ARHGEF39: variants seen among roughly 807,000 people sequenced by gnomAD.
The protein encoded by ARHGEF39 is Rho guanine nucleotide exchange factor (GEF) 39.
ARHGEF39 carries 45 observed loss-of-function variants against 47.5 expected under a neutral mutation model. That is an observed-to-expected ratio of 0.95 (90% CI 0.75 to 1.22). The LOEUF is 1.22. ARHGEF39 is among the 50% of genes most tolerant of loss of function. The pLI, the probability that ARHGEF39 is intolerant of heterozygous loss-of-function variation, is 0.00. For missense variants in ARHGEF39, 411 were observed against 425.3 expected, an observed-to-expected ratio of 0.97 and a Z score of 0.30; for synonymous variants, 164 against 167.8, an observed-to-expected ratio of 0.98 and a Z score of 0.17.
intron 4 of ARHGEF39, 21 bp downstream of exon 4, chr9:35,663,987 T>C (rs1587935685): frequency 6.2e-7 from 1 of 1,605,012 alleles, no homozygotes; most frequent in South Asian, 1.1e-5. Context: ...GAGAGGCGGC[T>C]GGAATCAAGA....
chr9:35,662,822 G>C, intron 6 of ARHGEF39, 81 bp from the exon 7 acceptor site: 1 of 1,525,424 alleles, frequency 6.6e-7, no homozygotes, highest in Non-Finnish European at 8.9e-7. Context: ...AGAAAATAGG[G>C]GTTATGTGCT....
At position 35,660,609 on chromosome 9, in the gene ARHGEF39, G is replaced by A. The variant is rs751573425; in HGVS notation, c.*1378C>T. ...AGCTGGCCCAGACAGAGCAGCACCT[G>A]AACAACCTGATGGCCCAGCTGGACC... On this transcript the variant is annotated 3_prime_UTR_variant, in exon 9 of 9. Coordinates refer to ENST00000378387, the MANE Select transcript of ARHGEF39 (RefSeq NM_032818.3). 5.0e-6 allele frequency: 8 copies of A among 1,614,072 alleles called. No individual in the cohort carries two copies. Among genetic ancestry groups the A allele is most frequent in the South Asian group, 1.1e-5 (1 of 91,078 alleles).
At position 35,665,153 on chromosome 9, in the gene ARHGEF39, G is replaced by T. The variant is rs1331056862; in HGVS notation, c.17C>A (p.Pro6His). 6.5e-7 allele frequency: 1 copy of T among 1,528,524 alleles called. No homozygotes were observed. Among genetic ancestry groups the T allele is most frequent in the Non-Finnish European group, 8.8e-7 (1 of 1,134,432 alleles). 94.7% of individuals were successfully genotyped at this position (1,528,524 alleles called of 1,614,324 possible). Reference protein sequence around the residue: MELSCPGSRCPVQEQR... With the variant: MELSCHGSRCPVQEQR... ...CTCTTGCACCGGGCACCGCGAACCG[G>T]GGCAGGAGAGCTCCATGCCCTGGCT... The change falls in exon 1 of 9, where the codon CCC becomes CAC. Residue 6 changes from proline to histidine, a missense_variant. Coordinates refer to ENST00000378387, the MANE Select transcript of ARHGEF39 (RefSeq NM_032818.3).
intron 3 of ARHGEF39, 112 bp downstream of exon 3, chr9:35,664,260 C>G: frequency 1.3e-6 from 2 of 1,523,406 alleles, no homozygotes; most frequent in Non-Finnish European, 1.8e-6. Flanking sequence ...AAGGAACTTA[C>G]CACAGAGCTG....
chr9:35,661,074 C>A lies in ARHGEF39; in HGVS notation c.*913G>T. ...CCTAGCTACTTCCTGGGAGGTGGGGCGGGGACTACGGAGAAGGTGCAGCCA... is the reference window on the plus strand; with the variant it reads ...CCTAGCTACTTCCTGGGAGGTGGGGAGGGGACTACGGAGAAGGTGCAGCCA... On this transcript the variant is annotated 3_prime_UTR_variant, in exon 9 of 9. Coordinates refer to ENST00000378387, the MANE Select transcript of ARHGEF39 (RefSeq NM_032818.3). 2 of 1,614,102 alleles carry A rather than the reference C, an allele frequency of 1.2e-6. No individual in the cohort carries two copies. Among genetic ancestry groups the A allele is most frequent in the Non-Finnish European group, 8.5e-7 (1 of 1,180,026 alleles).
At chr9:35,662,432 G>C in intron 7 of ARHGEF39, 80 bp downstream of exon 7, 1 of 1,479,490 alleles carries the variant, frequency 6.8e-7, no homozygotes. Flanking sequence ...CCTATGAAAA[G>C]GGACCCAGAC....
Position 35,661,179 on chromosome 9 carries a change from T to C in ARHGEF39, c.*808A>G. On this transcript the variant is annotated 3_prime_UTR_variant, in exon 9 of 9. Transcript: ENST00000378387. ...TGAAGGTCGACTAAAACAAAGTCTGTTTTCATGATGGAGTGCTCCTGTGTG... is the reference window on the plus strand; with the variant it reads ...TGAAGGTCGACTAAAACAAAGTCTGCTTTCATGATGGAGTGCTCCTGTGTG... The C allele has an allele frequency of 1.9e-6, 3 of 1,595,328 alleles. No individual in the cohort carries two copies. Among genetic ancestry groups the C allele is most frequent in the Non-Finnish European group, 1.7e-6 (2 of 1,169,210 alleles).
chr9:35,661,703 TCTCA>T lies in ARHGEF39; in HGVS notation c.*280_*283del, dbSNP rs1400989561. On this transcript the variant is annotated 3_prime_UTR_variant, in exon 9 of 9. Coordinates refer to ENST00000378387, the MANE Select transcript of ARHGEF39 (RefSeq NM_032818.3). ...TATTTTTTCTTAAATAGAGACAGGG[TCTCA>T]CTCACTGTGTTGCCCAGGCTGGTCT... 1.4e-5 allele frequency: 6 copies of T among 430,592 alleles called. No homozygotes were observed. The highest frequency in any genetic ancestry group is 8.1e-5 in the African/African-American group (4 of 49,396). 26.7% of individuals were successfully genotyped at this position (430,592 alleles called of 1,614,324 possible).
At chr9:35,662,436 C>A in intron 7 of ARHGEF39, 76 bp downstream of exon 7, 1 of 1,494,734 alleles carries the variant, frequency 6.7e-7, no homozygotes, top group South Asian at 1.3e-5. Flanking sequence ...TGAAAAGGGA[C>A]CCAGACCAGG....
Position 35,664,007 on chromosome 9 carries a change from C to T in ARHGEF39, c.473+1G>A. On this transcript the variant is annotated splice_donor_variant, in intron 4 of 8. Coordinates refer to ENST00000378387, the MANE Select transcript of ARHGEF39 (RefSeq NM_032818.3). LOFTEE classifies it high-confidence loss of function. ...GCGGCTGGAATCAAGAGTTCACTCA[C>T]TGCTGGAGCCGTTGCAGAGGCAGAG... 6.2e-7 allele frequency: 1 copy of T among 1,613,406 alleles called. No individual in the cohort carries two copies. Among genetic ancestry groups the T allele is most frequent in the Non-Finnish European group, 8.5e-7 (1 of 1,179,294 alleles).
chr9:35,664,094 C>T lies in ARHGEF39; in HGVS notation c.387G>A (p.Arg129=). The T allele has an allele frequency of 6.2e-7, 1 of 1,614,124 alleles. No homozygotes were observed. ...EQLKKNKGFR[R]FVRLQEGRPE... is the part of the protein sequence containing the mutation. The stretch of plus-strand genomic sequence containing the variant: ...GGCGGCCTTCCTGAAGCCGTACAAA[C>T]CTCCGGAAACCTTTATTTTTCTTTA... The change falls in exon 4 of 9, where the codon AGG becomes AGA. Residue 129 remains arginine, a synonymous_variant. Coordinates refer to ENST00000378387, the MANE Select transcript of ARHGEF39 (RefSeq NM_032818.3).
At position 35,662,216 on chromosome 9, in the gene ARHGEF39, GCTC is replaced by G; in HGVS notation, c.952_954del (p.Glu318del). The G allele has an allele frequency of 6.2e-7, 1 of 1,614,222 alleles. No individual in the cohort carries two copies. The highest frequency in any genetic ancestry group is 8.5e-7 in the Non-Finnish European group (1 of 1,180,028). On this transcript the variant is annotated inframe_deletion, in exon 8 of 9. Transcript: ENST00000378387. ...GTCAGACTGTGGTACCAGCGTGACA[GCTC>G]CTCCTGGTCTGTGGACATAAGCAGT... is the stretch of plus-strand genomic sequence containing the variant.
At chr9:35,663,273 T>C in intron 5 of ARHGEF39, 49 bp downstream of exon 5, 4 of 1,594,684 alleles carry the variant, frequency 2.5e-6, no homozygotes, top group Non-Finnish European at 3.4e-6. Context: ...CAGAAAGGAA[T>C]ACAGGAGAGG....
chr9:35,661,152 G>T lies in ARHGEF39; in HGVS notation c.*835C>A. 1 of 1,607,488 alleles carries T rather than the reference G, an allele frequency of 6.2e-7. No individual in the cohort carries two copies. Among genetic ancestry groups the T allele is most frequent in the Non-Finnish European group, 8.5e-7 (1 of 1,176,052 alleles). ...CCTTGGCTGGGAAGGAGGGACGACA[G>T]CTGAAGGTCGACTAAAACAAAGTCT... On this transcript the variant is annotated 3_prime_UTR_variant, in exon 9 of 9. Coordinates refer to ENST00000378387, the MANE Select transcript of ARHGEF39 (RefSeq NM_032818.3).
At position 35,660,857 on chromosome 9, in the gene ARHGEF39, A is replaced by C; in HGVS notation, c.*1130T>G. ...ACAAGGATATGGAGGCTTCAGAACC[A>C]GGTGAAGGCTCGGGAGGCGAGTCTG... On this transcript the variant is annotated 3_prime_UTR_variant, in exon 9 of 9. Transcript: ENST00000378387. The C allele has an allele frequency of 6.2e-7, 1 of 1,614,202 alleles. No homozygotes were observed. Among genetic ancestry groups the C allele is most frequent in the South Asian group, 1.1e-5 (1 of 91,092 alleles).
At chr9:35,663,210 TATA>T in intron 5 of ARHGEF39, 109 bp downstream of exon 5, 3 of 1,548,208 alleles carry the variant, frequency 1.9e-6, no homozygotes, top group Non-Finnish European at 2.7e-6. Context: ...AGGGACACTG[TATA>T]CATGTCAGTG....
chr9:35,660,907 A>C lies in ARHGEF39; in HGVS notation c.*1080T>G. 1 of 1,614,182 alleles carries C rather than the reference A, an allele frequency of 6.2e-7. No homozygotes were observed. Among genetic ancestry groups the C allele is most frequent in the Non-Finnish European group, 8.5e-7 (1 of 1,180,028 alleles). ...GCTGGAGGTGGAGACAAAGTCTCTG[A>C]AACTGGAACATTCCTGATCTCTCCC... On this transcript the variant is annotated 3_prime_UTR_variant, in exon 9 of 9. Transcript: ENST00000378387.
rs1823963590 is a variant in ARHGEF39 at position 35,661,778 on chromosome 9, T to C, written c.*209A>G. 2 of 557,582 alleles carry C rather than the reference T, an allele frequency of 3.6e-6. No homozygotes were observed. Among genetic ancestry groups the C allele is most frequent in the East Asian group, 5.8e-5 (2 of 34,442 alleles). The allele number at this position is 557,582 out of a possible 1,614,324, so 34.5% of individuals were successfully genotyped here. On this transcript the variant is annotated 3_prime_UTR_variant, in exon 9 of 9. Coordinates refer to ENST00000378387, the MANE Select transcript of ARHGEF39 (RefSeq NM_032818.3). ...ATCCTGCCACCTCTGCTTCCCAAAGTGCTGGGATTACAGGCATGAGCCACT... is the reference window on the plus strand; with the variant it reads ...ATCCTGCCACCTCTGCTTCCCAAAGCGCTGGGATTACAGGCATGAGCCACT...
In ARHGEF39 at chr9:35,662,576, A is replaced by G. The variant is rs369829267; in HGVS notation, c.839T>C (p.Met280Thr). 16 of 1,614,058 alleles carry G rather than the reference A, an allele frequency of 9.9e-6. No individual in the cohort carries two copies. Among genetic ancestry groups the G allele is most frequent in the African/African-American group, 1.3e-5 (1 of 74,934 alleles). Reference protein sequence around the residue: ...GTFACKALYPMAQCHLSRVFG... With the variant: ...GTFACKALYPTAQCHLSRVFG... ...GACCCTGCTGAGATGACACTGGGCCATGGGGTAGAGGGCCTTGCAGGCAAA... is the reference window on the plus strand; with the variant it reads ...GACCCTGCTGAGATGACACTGGGCCGTGGGGTAGAGGGCCTTGCAGGCAAA... The change falls in exon 7 of 9, where the codon ATG becomes ACG. Residue 280 changes from methionine (M) to threonine (T), a missense_variant. Coordinates refer to ENST00000378387, the MANE Select transcript of ARHGEF39 (RefSeq NM_032818.3).
Sources: allele counts gnomAD v4.1 joint callset, GRCh38; gene constraint gnomAD v4.1.1; transcripts MANE v1.5; gene names NCBI Gene and HGNC (gene_info 2026-07-23, HGNC 2026-07-21).